Variants in PSMD14 observed in about 807,000 individuals in gnomAD.
PSMD14 encodes the protein ubiquitin C-terminal hydrolase PSMD14.
Under a neutral mutation model 41.2 loss-of-function variants are expected in PSMD14, and 7 were observed. The ratio of observed to expected loss-of-function variants is 0.17; its 90% CI spans 0.10 to 0.32. The LOEUF (loss-of-function observed/expected upper bound fraction) is 0.32. Ranked by LOEUF, PSMD14 falls within the 10% of genes least tolerant of loss-of-function variation. PSMD14 has a pLI of 1.00. For missense variants in PSMD14, 139 were observed against 375.6 expected (o/e 0.37, Z 5.21); for synonymous variants, 114 against 122.3 (o/e 0.93, Z 0.45).
intron 1 of PSMD14, among the ~76,000 whole-genome samples, chr2:161,313,632 G>A (rs1476307833): frequency 6.6e-6 from 1 of 152,226 alleles, no homozygotes; most frequent in African/African-American, 2.4e-5. Flanking sequence ...TTACAGGCAT[G>A]AGCCACCACG....
chr2:161,327,981 T>TGTGTGTGTGTGTGTGTGA (rs1268803464), intron 3 of PSMD14, among the ~76,000 whole-genome samples: 52 of 149,016 alleles, frequency 3.5e-4, no homozygotes, highest in African/African-American at 1.3e-3. Flanking sequence ...TGTGTGTGTG[T>TGTGTGTGTGTGTGTGTGA]GTGAGATGTT....
intron 5 of PSMD14, 59 bp from the exon 6 acceptor site, chr2:161,370,048 A>G: frequency 7.6e-7 from 1 of 1,311,722 alleles, no homozygotes; most frequent in Non-Finnish European, 1.0e-6. Context: ...TAATATACAT[A>G]GGGAAGCTTT....
chr2:161,402,741 C>T (rs1349571109), intron 10 of PSMD14, among the ~76,000 whole-genome samples: 1 of 151,236 alleles, frequency 6.6e-6, no homozygotes, highest in African/African-American at 2.4e-5. Context: ...AATGCAGCAA[C>T]AAGAAGACAA....
intron 11 of PSMD14, among the ~76,000 whole-genome samples, chr2:161,409,394 G>A (rs1683995883): frequency 6.6e-6 from 1 of 152,020 alleles, no homozygotes; most frequent in African/African-American, 2.4e-5. Flanking sequence ...ATCTGAGGGT[G>A]GGGGAAGACA....
chr2:161,389,889 G>GTTGTTGTTTTTTT, intron 8 of PSMD14, among the ~76,000 whole-genome samples: 16 of 20,042 alleles, frequency 8.0e-4, no homozygotes, highest in East Asian at 4.4e-3. Flanking sequence ...CTTTTTTGTT[G>GTTGTTGTTTTTTT]TTTTTTTTTT....
At chr2:161,359,855 GCATTTTAGCTCTGATTGTGTTA>G (rs1176637288) in intron 3 of PSMD14, among the ~76,000 whole-genome samples, 1 of 152,158 alleles carries the variant, frequency 6.6e-6, no homozygotes, top group Non-Finnish European at 1.5e-5. Flanking sequence ...GTCAGAAGTT[GCATTTTAGCTCTGATTGTGTTA>G]CATTTTAGCC....
chr2:161,394,956 A>G (rs1436191835), intron 9 of PSMD14, 122 bp from the exon 10 acceptor site: 40 of 870,512 alleles, frequency 4.6e-5, no homozygotes, highest in Non-Finnish European at 6.6e-5. Context: ...AGTTCATTTG[A>G]ATTAATAAAG....
intron 8 of PSMD14, among the ~76,000 whole-genome samples, chr2:161,388,253 T>C (rs185764784): frequency 1.3e-4 from 20 of 152,186 alleles, no homozygotes; most frequent in African/African-American, 4.8e-4. Context: ...TTAAGCTATT[T>C]GGAAAACATT....
intron 3 of PSMD14, among the ~76,000 whole-genome samples, chr2:161,356,991 C>T (rs1683215345): frequency 6.7e-6 from 1 of 149,456 alleles, no homozygotes; most frequent in African/African-American, 2.5e-5. Flanking sequence ...AGTAATATAA[C>T]TAATAGTGTT....
At chr2:161,345,636 G>T (rs1469465536) in intron 3 of PSMD14, among the ~76,000 whole-genome samples, 4 of 152,028 alleles carry the variant, frequency 2.6e-5, no homozygotes, top group Non-Finnish European at 5.9e-5. Flanking sequence ...ATTCATTGAT[G>T]TAGTTTTCTT....
chr2:161,327,932 A>G (rs987795417), intron 3 of PSMD14, among the ~76,000 whole-genome samples: 3 of 104,728 alleles, frequency 2.9e-5, no homozygotes, highest in Non-Finnish European at 5.8e-5. Flanking sequence ...GGGAAGCAGG[A>G]ATTCTCATGT....
chr2:161,383,334 T>G (rs781248487), intron 7 of PSMD14: 2 of 152,116 alleles, frequency 1.3e-5, no homozygotes, highest in African/African-American at 2.4e-5. Flanking sequence ...TCCTTTAATC[T>G]TAGTGTAAAG....
At chr2:161,338,698 A>G (rs1379635555) in intron 3 of PSMD14, among the ~76,000 whole-genome samples, 1 of 152,194 alleles carries the variant, frequency 6.6e-6, no homozygotes. Context: ...TTTAAAGTGT[A>G]TAATTTGTTA....
At chr2:161,380,987 G>A (rs1257512490) in intron 7 of PSMD14, among the ~76,000 whole-genome samples, 1 of 151,752 alleles carries the variant, frequency 6.6e-6, no homozygotes, top group East Asian at 1.9e-4. Context: ...ATTGGATATG[G>A]GTTAAGTGTT....
chr2:161,338,017 T>C (rs1256749355), intron 3 of PSMD14, among the ~76,000 whole-genome samples: 1 of 152,220 alleles, frequency 6.6e-6, no homozygotes, highest in African/African-American at 2.4e-5. Flanking sequence ...CTCTGACTAC[T>C]TAATTGTTAC....
At chr2:161,318,033 G>T (rs1232785009) in intron 2 of PSMD14, among the ~76,000 whole-genome samples, 2 of 152,160 alleles carry the variant, frequency 1.3e-5, no homozygotes, top group African/African-American at 4.8e-5. Flanking sequence ...TTTCAAGCTT[G>T]TAAGAGTATC....
At chr2:161,318,696 G>A in intron 2 of PSMD14, 126 bp from the exon 3 acceptor site, 1 of 698,254 alleles carries the variant, frequency 1.4e-6, no homozygotes, top group Non-Finnish European at 2.5e-6. Flanking sequence ...CAGGAAGTCT[G>A]ATGTTGTGTT....
At chr2:161,368,396 A>G (rs189640348) in intron 5 of PSMD14, among the ~76,000 whole-genome samples, 133 of 152,272 alleles carry the variant, frequency 8.7e-4, no homozygotes, top group African/African-American at 2.8e-3. Context: ...GCAAAACAAA[A>G]CAATAGCAAA....
chr2:161,386,328 T>G (rs1035058915), intron 8 of PSMD14, among the ~76,000 whole-genome samples: 3 of 151,878 alleles, frequency 2.0e-5, no homozygotes, highest in African/African-American at 7.2e-5. Flanking sequence ...TTTGGTTAAG[T>G]AGAATACATA....
Sources: gnomAD v4.1 joint callset for allele counts (sites outside exome capture counted in the v4.1 genomes callset) on GRCh38, gnomAD v4.1.1 for gene constraint, MANE v1.5 for transcripts, NCBI Gene and HGNC (gene_info 2026-07-23, HGNC 2026-07-21) for gene names.